TARP: variants seen among roughly 807,000 people sequenced by gnomAD.
At chr7:38,261,307 T>C in the TARP span, among the ~76,000 whole-genome samples, 1 of 151,694 alleles carries the variant, frequency 6.6e-6, no homozygotes, top group African/African-American at 2.4e-5. Flanking sequence ...ATGGCCTGAT[T>C]TGAAATCCCA....
the TARP span, among the ~76,000 whole-genome samples, chr7:38,261,546 C>T: frequency 6.6e-6 from 1 of 151,364 alleles, no homozygotes; most frequent in Non-Finnish European, 1.5e-5. Flanking sequence ...CGAGAAGCAA[C>T]ATGGTATCAT....
At chr7:38,269,423 A>G in the TARP span, 1 of 702,490 alleles carries the variant, frequency 1.4e-6, no homozygotes, top group Non-Finnish European at 2.6e-6. Context: ...TTATTACATT[A>G]TTCCAGTTTA....
the TARP span, among the ~76,000 whole-genome samples, chr7:38,269,126 G>A: frequency 7.9e-5 from 12 of 151,864 alleles, no homozygotes; most frequent in Admixed American, 1.3e-4. Flanking sequence ...CACAACAAGA[G>A]TAAACATGTC....
At chr7:38,271,332 T>G in the TARP span, among the ~76,000 whole-genome samples, 2 of 151,556 alleles carry the variant, frequency 1.3e-5, no homozygotes, top group African/African-American at 2.4e-5. Context: ...TAAATTTAGA[T>G]AGAAAGTGCC....
At chr7:38,265,738 C>T in the TARP span, 948 of 1,277,430 alleles carry the variant, frequency 7.4e-4, 16 homozygotes, top group East Asian at 0.015. Context: ...ACACATTGCA[C>T]AGTTTGGAGT....
At chr7:38,262,344 A>G in the TARP span, 18 of 721,024 alleles carry the variant, frequency 2.5e-5, no homozygotes, top group South Asian at 3.1e-4. Flanking sequence ...CCACAATTCC[A>G]GAAACAATTG....
chr7:38,269,144 A>T, the TARP span, among the ~76,000 whole-genome samples: 12 of 151,886 alleles, frequency 7.9e-5, no homozygotes, highest in African/African-American at 2.9e-4. Context: ...GTCTTTGACC[A>T]TCAGAGATGA....
At chr7:38,264,846 C>T in the TARP span, among the ~76,000 whole-genome samples, 2 of 151,638 alleles carry the variant, frequency 1.3e-5, no homozygotes, top group African/African-American at 2.4e-5. Flanking sequence ...ATCATTCTGT[C>T]AACAACAGAT....
At chr7:38,263,049 C>T in the TARP span, among the ~76,000 whole-genome samples, 2 of 151,570 alleles carry the variant, frequency 1.3e-5, no homozygotes, top group African/African-American at 4.9e-5. Context: ...GCAAAAAAAG[C>T]AGTCATTCTT....
the TARP span, among the ~76,000 whole-genome samples, chr7:38,264,074 TTC>T: frequency 4.0e-5 from 6 of 148,768 alleles, no homozygotes; most frequent in Non-Finnish European, 6.0e-5. Context: ...GTATCCTGAG[TTC>T]TCTCTCTCTC....
At chr7:38,268,017 C>G in the TARP span, among the ~76,000 whole-genome samples, 2 of 151,060 alleles carry the variant, frequency 1.3e-5, no homozygotes, top group African/African-American at 2.4e-5. Flanking sequence ...ACTTTCTCAA[C>G]GTAGTAGTTA....
At chr7:38,260,827 C>T in the TARP span, among the ~76,000 whole-genome samples, 1 of 151,824 alleles carries the variant, frequency 6.6e-6, no homozygotes, top group East Asian at 1.9e-4. Context: ...TGCCCTTGGT[C>T]AAGTGAGGTG....
chr7:38,268,458 A>T, the TARP span, among the ~76,000 whole-genome samples: 3 of 151,420 alleles, frequency 2.0e-5, no homozygotes, highest in Admixed American at 1.3e-4. Context: ...TTTATGTTTA[A>T]ATATGTATTT....
the TARP span, among the ~76,000 whole-genome samples, chr7:38,267,621 C>G: frequency 1.2e-4 from 18 of 150,436 alleles, no homozygotes; most frequent in Non-Finnish European, 2.5e-4. Flanking sequence ...ATAATGTGCT[C>G]ATCTTAATTT....
chr7:38,270,269 T>C, the TARP span, among the ~76,000 whole-genome samples: 1 of 151,890 alleles, frequency 6.6e-6, no homozygotes, highest in Non-Finnish European at 1.5e-5. Context: ...GGCAGTTAAA[T>C]CCATAGCAAT....
chr7:38,265,287 GA>G, the TARP span: 1 of 1,275,282 alleles, frequency 7.8e-7, no homozygotes, highest in Non-Finnish European at 1.1e-6. Context: ...ATACTGAAAG[GA>G]AAAAATGCAG....
the TARP span, among the ~76,000 whole-genome samples, chr7:38,262,664 T>A: frequency 6.6e-6 from 1 of 151,550 alleles, no homozygotes; most frequent in Non-Finnish European, 1.5e-5. Flanking sequence ...TTGTTTGTTT[T>A]TTGAGGCAGG....
chr7:38,269,833 T>C, the TARP span, among the ~76,000 whole-genome samples: 6 of 151,968 alleles, frequency 3.9e-5, no homozygotes, highest in Non-Finnish European at 7.4e-5. Flanking sequence ...AGTGCAGTGG[T>C]TTGTGCCTAT....
At chr7:38,268,912 G>C in the TARP span, among the ~76,000 whole-genome samples, 43 of 150,956 alleles carry the variant, frequency 2.8e-4, no homozygotes, top group Non-Finnish European at 2.2e-4. Flanking sequence ...CATTTGTTGG[G>C]CACCTATTTT....
Sources: allele counts gnomAD v4.1 joint callset (sites outside exome capture counted in the v4.1 genomes callset), GRCh38; gene constraint gnomAD v4.1.1; transcripts MANE v1.5.